Variants in ZNF804A observed in about 807,000 individuals in gnomAD.
The protein encoded by ZNF804A is zinc finger protein 804A.
Under a neutral mutation model 16.5 loss-of-function variants are expected in ZNF804A, and 2 were observed. The observed-to-expected ratio is 0.12, with a 90% CI of 0.05 to 0.38. The LOEUF is 0.38. Ranked by LOEUF, ZNF804A falls within the 10% of genes least tolerant of loss-of-function variation. ZNF804A has a pLI of 0.99. For missense variants in ZNF804A, 1,473 were observed against 1,390.7 expected (o/e 1.06, Z -0.94); for synonymous variants, 534 against 489.6 (o/e 1.09, Z -1.20).
intron 1 of ZNF804A, among the ~76,000 whole-genome samples, chr2:184,627,552 C>T (rs1229281097): frequency 6.6e-6 from 1 of 152,074 alleles, no homozygotes; most frequent in Non-Finnish European, 1.5e-5. Context: ...CAATGTACTA[C>T]CCACACTGCA....
intron 1 of ZNF804A, among the ~76,000 whole-genome samples, chr2:184,860,152 G>A (rs529709159): frequency 1.9e-4 from 29 of 152,302 alleles, no homozygotes; most frequent in African/African-American, 6.7e-4. Context: ...CCTTGGCCTT[G>A]GGTCCTCCGG....
chr2:184,601,744 T>A (rs1553520068), intron 1 of ZNF804A, among the ~76,000 whole-genome samples: 2 of 151,916 alleles, frequency 1.3e-5, no homozygotes, highest in Non-Finnish European at 2.9e-5. Flanking sequence ...ATATCGCAAA[T>A]GTTTTTTTTC....
At position 184,695,857 on chromosome 2, in the gene ZNF804A, T is replaced by C. The variant is rs568655593; in HGVS notation, c.111+96787T>C. On this transcript the variant is annotated intron_variant, in intron 1 of 3. Transcript: ENST00000302277. The stretch of plus-strand genomic sequence containing the variant: ...ATATATTTTTACTAATCATTGAGAC[T>C]ATTGTATCCTCTGCTTATTATTTTT... Among the ~76,000 whole-genome samples the C allele has an allele frequency of 3.8e-4, 58 of 152,352 alleles. 2 individuals are homozygous for C. The highest frequency in any genetic ancestry group is 7.8e-4 in the Admixed American group (12 of 15,298).
At chr2:184,891,633 T>G (rs1315376469) in intron 2 of ZNF804A, among the ~76,000 whole-genome samples, 4 of 152,160 alleles carry the variant, frequency 2.6e-5, no homozygotes, top group African/African-American at 9.7e-5. Flanking sequence ...TCCACTTTTT[T>G]CTCTGATTTC....
Position 184,849,606 on chromosome 2 carries a change from A to G in ZNF804A, c.112-16763A>G, listed in dbSNP as rs1004358214. Among the ~76,000 whole-genome samples, 14 of 152,068 alleles carry G rather than the reference A, an allele frequency of 9.2e-5. 1 individual carries two copies. Among genetic ancestry groups the G allele is most frequent in the Admixed American group, 9.2e-4 (14 of 15,214 alleles). ...ATAATGAATATTGGCAAGGATGTAG[A>G]GAAAGGGGAATCCTCATATACCATA... On this transcript the variant is annotated intron_variant, in intron 1 of 3. Coordinates refer to ENST00000302277, the MANE Select transcript of ZNF804A (RefSeq NM_194250.2).
intron 1 of ZNF804A, among the ~76,000 whole-genome samples, chr2:184,704,934 T>C (rs899070974): frequency 6.6e-6 from 1 of 152,138 alleles, no homozygotes; most frequent in Non-Finnish European, 1.5e-5. Flanking sequence ...TAAGAATAGT[T>C]CTCAAATTAC....
At chr2:184,650,032 C>T (rs527393035) in intron 1 of ZNF804A, among the ~76,000 whole-genome samples, 3 of 152,166 alleles carry the variant, frequency 2.0e-5, no homozygotes, top group South Asian at 2.1e-4. Context: ...AGGCCATTAT[C>T]GCTGATGAAC....
rs147830339 is a variant in ZNF804A at position 184,694,946 on chromosome 2, C to T, written c.111+95876C>T. 1.5e-4 allele frequency among the ~76,000 whole-genome samples: 23 copies of T among 152,208 alleles called. No homozygotes were observed. The East Asian group carries it at 4.5e-3, about 29-fold the overall frequency. ...TGTACGAATTACACTATAAAGTTGG[C>T]CCCATCTTGGGGCAGGTCTTTGGTA... On this transcript the variant is annotated intron_variant, in intron 1 of 3. Transcript: ENST00000302277.
intron 2 of ZNF804A, among the ~76,000 whole-genome samples, chr2:184,879,554 AAT>A (rs1306534203): frequency 2.6e-5 from 4 of 152,092 alleles, no homozygotes; most frequent in Non-Finnish European, 5.9e-5. Context: ...ACAAGTATGC[AAT>A]AGAGTCAACT....
intron 1 of ZNF804A, among the ~76,000 whole-genome samples, chr2:184,676,680 T>A (rs890775967): frequency 6.6e-6 from 1 of 151,152 alleles, no homozygotes; most frequent in African/African-American, 2.4e-5. Flanking sequence ...TATTCTATAA[T>A]CTATTAATAA....
Position 184,938,669 on chromosome 2 carries a change from T to G in ZNF804A, c.3273T>G (p.Cys1091Trp), listed in dbSNP as rs147307669. 6.2e-7 allele frequency: 1 copy of G among 1,613,942 alleles called. No individual in the cohort carries two copies. The highest frequency in any genetic ancestry group is 8.5e-7 in the Non-Finnish European group (1 of 1,179,946). The change falls in exon 4 of 4, where the codon TGT becomes TGG. Residue 1091 changes from cysteine to tryptophan, a missense_variant. By Grantham distance (215) the Cys-to-Trp change is radical. Coordinates refer to ENST00000302277, the MANE Select transcript of ZNF804A (RefSeq NM_194250.2). ...CTTTGCCTTTGCAGCAGTCCTTATGTTCTACCTCTGTAACCACTATCCATC... is the reference window on the plus strand; with the variant it reads ...CTTTGCCTTTGCAGCAGTCCTTATGGTCTACCTCTGTAACCACTATCCATC... Reference protein sequence around the residue: ...LQPLPLQQSLCSTSVTTIHHT... With the variant: ...LQPLPLQQSLWSTSVTTIHHT...
intron 1 of ZNF804A, among the ~76,000 whole-genome samples, chr2:184,861,335 G>T (rs1695797164): frequency 6.6e-6 from 1 of 152,092 alleles, no homozygotes; most frequent in African/African-American, 2.4e-5. Flanking sequence ...ACTATACACA[G>T]GTGCTACAAT....
intron 2 of ZNF804A, among the ~76,000 whole-genome samples, chr2:184,873,242 C>G (rs1696001340): frequency 6.6e-6 from 1 of 152,140 alleles, no homozygotes; most frequent in African/African-American, 2.4e-5. Context: ...AATCCCAGCA[C>G]TTTTGAAGAC....
chr2:184,886,633 C>T (rs1009968920), intron 2 of ZNF804A, among the ~76,000 whole-genome samples: 1 of 152,248 alleles, frequency 6.6e-6, no homozygotes, highest in African/African-American at 2.4e-5. Context: ...GCAGAGGTGC[C>T]CAAACCTCAA....
intron 1 of ZNF804A, among the ~76,000 whole-genome samples, chr2:184,861,316 T>C (rs1427090929): frequency 6.6e-6 from 1 of 152,192 alleles, no homozygotes; most frequent in Non-Finnish European, 1.5e-5. Flanking sequence ...GGTATTTTCT[T>C]ATTTCTGCAC....
intron 2 of ZNF804A, among the ~76,000 whole-genome samples, chr2:184,927,050 G>C (rs936019362): frequency 6.6e-6 from 1 of 152,142 alleles, no homozygotes; most frequent in Non-Finnish European, 1.5e-5. Context: ...TTCCTGGTTG[G>C]TCTTAATACT....
chr2:184,606,371 A>G (rs995211633), intron 1 of ZNF804A, among the ~76,000 whole-genome samples: 3 of 152,146 alleles, frequency 2.0e-5, no homozygotes, highest in African/African-American at 7.2e-5. Context: ...AGATGCGTAT[A>G]CAATTATCAG....
intron 2 of ZNF804A, among the ~76,000 whole-genome samples, chr2:184,889,302 A>C (rs1684945535): frequency 6.6e-6 from 1 of 151,806 alleles, no homozygotes; most frequent in Admixed American, 6.6e-5. Context: ...AAATTATGTT[A>C]ATTTTTCTTT....
At chr2:184,693,135 T>A (rs561405852) in intron 1 of ZNF804A, among the ~76,000 whole-genome samples, 53 of 152,276 alleles carry the variant, frequency 3.5e-4, no homozygotes, top group African/African-American at 1.2e-3. Context: ...TTTCTGCACA[T>A]CTGCCAAACC....
Sources: gnomAD v4.1 joint callset for allele counts (sites outside exome capture counted in the v4.1 genomes callset) on GRCh38, gnomAD v4.1.1 for gene constraint, MANE v1.5 for transcripts, NCBI Gene and HGNC (gene_info 2026-07-23, HGNC 2026-07-21) for gene names.